AGAP1: variants seen among roughly 807,000 people sequenced by gnomAD.
AGAP1 encodes arf-GAP with GTPase, ANK repeat and PH domain-containing protein 1.
Under a neutral mutation model 105.3 loss-of-function variants are expected in AGAP1, and 29 were observed. That is an observed-to-expected ratio of 0.28 (90% CI 0.21 to 0.38). The LOEUF (loss-of-function observed/expected upper bound fraction) is 0.38, where lower values mean the gene tolerates loss of function less well. Among genes scored for constraint, AGAP1 ranks in the 10% least tolerant of loss-of-function variants. AGAP1 has a pLI of 1.00. For synonymous variants in AGAP1, 509 were observed against 485.9 expected (o/e 1.05, Z -0.63); for missense variants, 998 against 1,165.1 (o/e 0.86, Z 2.09).
chr2:235,884,038 C>T (rs1024921703), intron 10 of AGAP1, among the ~76,000 whole-genome samples: 1 of 152,114 alleles, frequency 6.6e-6, no homozygotes, highest in Non-Finnish European at 1.5e-5. Context: ...GAAATGCAGA[C>T]GTTCTACCCA....
rs996938171 is a variant in AGAP1 at position 235,867,396 on chromosome 2, G to T, written c.1051-15949G>T. Among the ~76,000 whole-genome samples the T allele has an allele frequency of 6.6e-6, 1 of 152,282 alleles. No individual in the cohort carries two copies. The highest frequency in any genetic ancestry group is 2.4e-5 in the African/African-American group (1 of 41,572). On this transcript the variant is annotated intron_variant, in intron 9 of 17. Coordinates refer to ENST00000304032, the MANE Select transcript of AGAP1 (RefSeq NM_001037131.3). The surrounding 1 kb of genome is among the most constrained non-coding windows in gnomAD (Gnocchi z 5.4). ...AAGAGGCAGAGGATCAGATTTGGCC[G>T]ACATGTGGGAGCTTGCCGGCCCCAG...
chr2:235,885,949 CA>C, intron 10 of AGAP1, among the ~76,000 whole-genome samples: 1 of 152,308 alleles, frequency 6.6e-6, no homozygotes, highest in Middle Eastern at 3.4e-3. Flanking sequence ...ACTGGTTCTC[CA>C]GGGGGCCTTC....
rs1485872896 is a variant in AGAP1, at chr2:235,750,965, A to G, written c.673+477A>G. On this transcript the variant is annotated intron_variant, in intron 6 of 17. Coordinates refer to ENST00000304032, the MANE Select transcript of AGAP1 (RefSeq NM_001037131.3). The surrounding 1 kb of genome is among the most constrained non-coding windows in gnomAD (Gnocchi z 5.3). ...CCCACCAAAAAAATAATAAAATGAC[A>G]CGATACCACTCACAGCAGAGGGTGA... is the stretch of plus-strand genomic sequence containing the variant. Among the ~76,000 whole-genome samples, 2 of 152,160 alleles carry G rather than the reference A, an allele frequency of 1.3e-5. No individual in the cohort carries two copies. The highest frequency in any genetic ancestry group is 4.8e-5 in the African/African-American group (2 of 41,426).
chr2:235,671,013 C>A, intron 1 of AGAP1: 1 of 1,321,240 alleles, frequency 7.6e-7, no homozygotes, highest in Non-Finnish European at 9.6e-7. Flanking sequence ...CCGGCCGAAG[C>A]GCACTCGTCC....
At chr2:236,081,082 C>T (rs538316253) in intron 16 of AGAP1, among the ~76,000 whole-genome samples, 1 of 152,308 alleles carries the variant, frequency 6.6e-6, no homozygotes, top group South Asian at 2.1e-4. Flanking sequence ...CCCATGTCAT[C>T]AAACCCCCAT....
chr2:236,005,067 T>C lies in AGAP1; in HGVS notation c.1646-31494T>C, dbSNP rs1267477529. Among the ~76,000 whole-genome samples the C allele has an allele frequency of 6.6e-6, 1 of 152,186 alleles. No homozygotes were observed. Among genetic ancestry groups the C allele is most frequent in the East Asian group, 1.9e-4 (1 of 5,194 alleles). On this transcript the variant is annotated intron_variant, in intron 13 of 17. Coordinates refer to ENST00000304032, the MANE Select transcript of AGAP1 (RefSeq NM_001037131.3). This position sits in a 1 kb window ranked among gnomAD's most constrained non-coding sequence, Gnocchi z 4.1. ...GACTTTTAGAAAAATTGAGGAGATA[T>C]TATAGGTTATTCCCATAGGCTTCCC...
intron 1 of AGAP1, among the ~76,000 whole-genome samples, chr2:235,673,989 T>C (rs1045029697): frequency 3.3e-5 from 5 of 152,260 alleles, no homozygotes; most frequent in South Asian, 2.1e-4. Context: ...TGGAGTCTTA[T>C]TTTAAAGCAC....
chr2:235,506,162 C>T (rs936336039), intron 1 of AGAP1, among the ~76,000 whole-genome samples: 1 of 152,078 alleles, frequency 6.6e-6, no homozygotes, highest in Non-Finnish European at 1.5e-5. Flanking sequence ...AACTCCTGAC[C>T]TCAGGTGATC....
At chr2:235,950,255 T>C (rs1575860259) in intron 12 of AGAP1, among the ~76,000 whole-genome samples, 1 of 152,130 alleles carries the variant, frequency 6.6e-6, no homozygotes, top group South Asian at 2.1e-4. Context: ...TCTCTCCCAG[T>C]GGTGACTCCG....
chr2:235,823,355 GAGCTCCTGGCCTCA>G (rs1958903235), intron 9 of AGAP1, among the ~76,000 whole-genome samples: 1 of 152,070 alleles, frequency 6.6e-6, no homozygotes, highest in South Asian at 2.1e-4. Flanking sequence ...GGCTGGTCTC[GAGCTCCTGGCCTCA>G]AGCAAACCTC....
At chr2:235,653,417 T>C (rs113280936) in intron 1 of AGAP1, among the ~76,000 whole-genome samples, 3,509 of 152,054 alleles carry the variant, frequency 0.023, 147 homozygotes, top group African/African-American at 0.079. Context: ...TGAGCCGAGA[T>C]AGCGCCACTG....
At chr2:235,613,243 G>T (rs1055569828) in intron 1 of AGAP1, among the ~76,000 whole-genome samples, 3 of 152,102 alleles carry the variant, frequency 2.0e-5, no homozygotes, top group Non-Finnish European at 4.4e-5. Context: ...TCATCTGCCT[G>T]CCTCGGCTTC....
At position 235,614,703 on chromosome 2, in the gene AGAP1, C is replaced by T. The variant is rs571781544; in HGVS notation, c.164-94476C>T. 5.9e-5 allele frequency among the ~76,000 whole-genome samples: 9 copies of T among 152,254 alleles called. No individual in the cohort carries two copies. Among genetic ancestry groups the T allele is most frequent in the South Asian group, 4.2e-4 (2 of 4,818 alleles). On this transcript the variant is annotated intron_variant, in intron 1 of 17. Coordinates refer to ENST00000304032, the MANE Select transcript of AGAP1 (RefSeq NM_001037131.3). This position sits in a 1 kb window ranked among gnomAD's most constrained non-coding sequence, Gnocchi z 4.7. ...TCAGGGGCAGGGCCCTTTTTCCACACGCTTAGGGAAGATACGAGACTGGCT... is the reference window on the plus strand; with the variant it reads ...TCAGGGGCAGGGCCCTTTTTCCACATGCTTAGGGAAGATACGAGACTGGCT...
chr2:235,653,380 C>T (rs1947666709), intron 1 of AGAP1, among the ~76,000 whole-genome samples: 1 of 152,024 alleles, frequency 6.6e-6, no homozygotes, highest in African/African-American at 2.4e-5. Flanking sequence ...AGGAGAATGG[C>T]ATGAAACCGG....
intron 1 of AGAP1, among the ~76,000 whole-genome samples, chr2:235,628,453 CT>C (rs750493938): frequency 6.6e-6 from 1 of 152,120 alleles, no homozygotes; most frequent in Non-Finnish European, 1.5e-5. Context: ...GCATGGATTT[CT>C]GGGAATGTAC....
Position 235,962,052 on chromosome 2 carries a change from GTTTTGTTTT to G in AGAP1, c.1484-6409_1484-6401del, listed in dbSNP as rs569975641. ...ATGGATGCTTTTGGTTTTTGGTTTT[GTTTTGTTTT>G]GTTTTGTTTTGTTTTGTTTTGTTTC... On this transcript the variant is annotated intron_variant, in intron 12 of 17. Transcript: ENST00000304032. This position sits in a 1 kb window ranked among gnomAD's most constrained non-coding sequence, Gnocchi z 5.3. Among the ~76,000 whole-genome samples the G allele has an allele frequency of 7.0e-3, 754 of 107,948 alleles. 8 individuals are homozygous for G. The African/African-American group carries it at 0.083, about 12-fold the overall frequency. 70.8% of individuals were successfully genotyped at this position (107,948 alleles called of 152,430 possible).
At chr2:235,812,499 C>G (rs576183159) in intron 9 of AGAP1, among the ~76,000 whole-genome samples, 24 of 152,302 alleles carry the variant, frequency 1.6e-4, no homozygotes, top group African/African-American at 5.5e-4. Flanking sequence ...GGGATCAACA[C>G]GAGGGGTGTA....
intron 13 of AGAP1, among the ~76,000 whole-genome samples, chr2:235,969,810 C>A (rs999884990): frequency 6.6e-6 from 1 of 152,152 alleles, no homozygotes; most frequent in African/African-American, 2.4e-5. Flanking sequence ...CTGAGTAGCC[C>A]GCCAGCCTCC....
chr2:236,010,758 C>T (rs560900576), intron 13 of AGAP1, among the ~76,000 whole-genome samples: 1 of 152,332 alleles, frequency 6.6e-6, no homozygotes, highest in South Asian at 2.1e-4. Flanking sequence ...AAAATTAATA[C>T]CATTGTTATA....
Sources: allele counts gnomAD v4.1 joint callset (sites outside exome capture counted in the v4.1 genomes callset), GRCh38; gene constraint gnomAD v4.1.1; non-coding constraint Gnocchi (gnomAD v3.1); transcripts MANE v1.5; gene names NCBI Gene and HGNC (gene_info 2026-07-23, HGNC 2026-07-21).